GRID2: variants seen among roughly 807,000 people sequenced by gnomAD.
GRID2 encodes the protein glutamate receptor ionotropic, delta-2.
Under a neutral mutation model 114.8 loss-of-function variants are expected in GRID2, and 33 were observed. The ratio of observed to expected loss-of-function variants is 0.29; its 90% CI spans 0.22 to 0.38. The LOEUF (loss-of-function observed/expected upper bound fraction) is 0.38. Among genes scored for constraint, GRID2 ranks in the 10% least tolerant of loss-of-function variants. GRID2 has a pLI of 1.00. For missense variants in GRID2, 1,184 were observed against 1,257.7 expected (o/e 0.94, Z 0.89); for synonymous variants, 505 against 449.9 (o/e 1.12, Z -1.55).
intron 4 of GRID2, among the ~76,000 whole-genome samples, chr4:93,163,273 A>G (rs1360429362): frequency 6.7e-6 from 1 of 149,596 alleles, no homozygotes; most frequent in Non-Finnish European, 1.5e-5. Flanking sequence ...TATGGAGCAT[A>G]TAAACCAAAA....
intron 12 of GRID2, among the ~76,000 whole-genome samples, chr4:93,510,904 T>C (rs1729097892): frequency 6.6e-6 from 1 of 152,144 alleles, no homozygotes; most frequent in African/African-American, 2.4e-5. Flanking sequence ...TAATAGACTA[T>C]CAAATATTTA....
chr4:92,512,752 A>G (rs991202547), intron 1 of GRID2, among the ~76,000 whole-genome samples: 1 of 151,852 alleles, frequency 6.6e-6, no homozygotes, highest in Admixed American at 6.6e-5. Context: ...TCAACTGGCA[A>G]ATCATATCCT....
intron 1 of GRID2, among the ~76,000 whole-genome samples, chr4:92,379,776 G>A (rs1162250930): frequency 6.6e-6 from 1 of 151,970 alleles, no homozygotes; most frequent in East Asian, 1.9e-4. Flanking sequence ...ACTGATCATT[G>A]CTTCTGGAGA....
chr4:92,417,396 C>T (rs1252812853), intron 1 of GRID2, among the ~76,000 whole-genome samples: 1 of 151,996 alleles, frequency 6.6e-6, no homozygotes, highest in Non-Finnish European at 1.5e-5. Flanking sequence ...AAACTTAATT[C>T]TCAGTGCAAC....
intron 1 of GRID2, among the ~76,000 whole-genome samples, chr4:92,412,402 TA>T (rs1731382205): frequency 1.3e-5 from 2 of 152,118 alleles, no homozygotes; most frequent in Non-Finnish European, 2.9e-5. Flanking sequence ...CTGAATCACC[TA>T]TTCCTAGAAG....
At chr4:92,648,483 A>G (rs1441435284) in intron 2 of GRID2, among the ~76,000 whole-genome samples, 1 of 149,800 alleles carries the variant, frequency 6.7e-6, no homozygotes, top group African/African-American at 2.5e-5. Context: ...ACATACATTT[A>G]TCAAGCACTT....
At chr4:92,548,001 A>C (rs1415146119) in intron 1 of GRID2, among the ~76,000 whole-genome samples, 2 of 152,170 alleles carry the variant, frequency 1.3e-5, no homozygotes, top group Non-Finnish European at 2.9e-5. Context: ...ACAAGACCTG[A>C]ATTCTTCTGA....
chr4:93,699,474 G>T (rs935930117), intron 14 of GRID2, among the ~76,000 whole-genome samples: 3 of 152,056 alleles, frequency 2.0e-5, no homozygotes, highest in Non-Finnish European at 4.4e-5. Flanking sequence ...GAACTATGCT[G>T]GATGTACTTT....
At chr4:92,476,396 A>T (rs57390091) in intron 1 of GRID2, among the ~76,000 whole-genome samples, 56,597 of 152,038 alleles carry the variant, frequency 0.37, 11,116 homozygotes, top group African/African-American at 0.5. Flanking sequence ...TCTTATTTAA[A>T]CACGACAACA....
chr4:92,902,197 T>C (rs1560683791), intron 2 of GRID2, among the ~76,000 whole-genome samples: 1 of 152,118 alleles, frequency 6.6e-6, no homozygotes, highest in Non-Finnish European at 1.5e-5. Flanking sequence ...TGGAAATTCA[T>C]TAATTTCCTC....
At chr4:93,420,633 T>A (rs1308880272) in intron 9 of GRID2, among the ~76,000 whole-genome samples, 1 of 152,052 alleles carries the variant, frequency 6.6e-6, no homozygotes, top group African/African-American at 2.4e-5. Flanking sequence ...GATCTAATGA[T>A]CTTCAATATT....
At chr4:93,079,378 G>T (rs551666224) in intron 2 of GRID2, among the ~76,000 whole-genome samples, 125 of 151,218 alleles carry the variant, frequency 8.3e-4, no homozygotes, top group Non-Finnish European at 1.4e-3. Flanking sequence ...ATACTATTAG[G>T]GATTCTTCTT....
chr4:92,423,205 G>A lies in GRID2; in HGVS notation c.88+118461G>A, dbSNP rs575051991. 8.5e-5 allele frequency among the ~76,000 whole-genome samples: 13 copies of A among 152,234 alleles called. No individual in the cohort carries two copies. In the South Asian group the frequency reaches 2.7e-3, roughly 32 times the overall value. On this transcript the variant is annotated intron_variant, in intron 1 of 15. Coordinates refer to ENST00000282020, the MANE Select transcript of GRID2 (RefSeq NM_001510.4). ...AATATATCCTGAATCTACCTTGTAG[G>A]TAGAGCTATATAGTAAGACTAGCTA...
At chr4:93,673,348 C>A (rs1383650235) in intron 14 of GRID2, among the ~76,000 whole-genome samples, 3 of 152,094 alleles carry the variant, frequency 2.0e-5, no homozygotes, top group South Asian at 2.1e-4. Flanking sequence ...AATTTTTCAT[C>A]TTTGATTTAA....
At position 93,366,829 on chromosome 4, in the gene GRID2, C is replaced by T. The variant is rs979106552; in HGVS notation, c.1246-28778C>T. ...AATAGAAAAGAACCTACATGAATAT[C>T]GGGGCAATTCCCCGATAAAATATAT... On this transcript the variant is annotated intron_variant, in intron 8 of 15. Coordinates refer to ENST00000282020, the MANE Select transcript of GRID2 (RefSeq NM_001510.4). Among the ~76,000 whole-genome samples the T allele has an allele frequency of 4.6e-5, 7 of 152,072 alleles. No homozygotes were observed. In the South Asian group the frequency reaches 6.2e-4, roughly 14 times the overall value.
chr4:92,860,063 A>C (rs750462205), intron 2 of GRID2, among the ~76,000 whole-genome samples: 1 of 152,288 alleles, frequency 6.6e-6, no homozygotes, highest in South Asian at 2.1e-4. Flanking sequence ...CACAAATATC[A>C]TTTTATGCAA....
intron 8 of GRID2, among the ~76,000 whole-genome samples, chr4:93,357,595 T>A (rs1342480879): frequency 6.6e-6 from 1 of 151,578 alleles, no homozygotes; most frequent in Non-Finnish European, 1.5e-5. Flanking sequence ...TGCTACAAAA[T>A]ATTTCATTAT....
At chr4:92,721,315 T>G (rs1442752550) in intron 2 of GRID2, among the ~76,000 whole-genome samples, 2 of 151,718 alleles carry the variant, frequency 1.3e-5, no homozygotes, top group African/African-American at 4.9e-5. Flanking sequence ...ATGTATATTT[T>G]ATTTTACCAC....
At chr4:93,302,446 G>T in intron 8 of GRID2, 1 of 404,738 alleles carries the variant, frequency 2.5e-6, no homozygotes, top group Non-Finnish European at 5.0e-6. Flanking sequence ...CTGTATGCCA[G>T]TTATGCCCCA....
Sources: allele counts gnomAD v4.1 joint callset (sites outside exome capture counted in the v4.1 genomes callset), GRCh38; gene constraint gnomAD v4.1.1; transcripts MANE v1.5; gene names NCBI Gene and HGNC (gene_info 2026-07-23, HGNC 2026-07-21).